The following TDRP variants were observed in gnomAD, a reference collection of about 807,000 sequenced individuals.
TDRP encodes the protein testis development related protein, also known as testis development-related protein.
In TDRP, 12 loss-of-function variants were observed where a neutral mutation model predicts 10.5. The ratio of observed to expected loss-of-function variants is 1.15; its 90% CI spans 0.73 to 1.86. The LOEUF (loss-of-function observed/expected upper bound fraction) is 1.86, where lower values mean the gene tolerates loss of function less well. Among genes scored for constraint, TDRP ranks in the 40% most tolerant of loss-of-function variants. TDRP has a pLI of 0.00. For synonymous variants in TDRP, 139 were observed against 95.4 expected, an observed-to-expected ratio of 1.46 and a Z score of -2.67; for missense variants, 353 against 229.2, an observed-to-expected ratio of 1.54 and a Z score of -3.49.
intron 1 of TDRP, among the ~76,000 whole-genome samples, chr8:510,375 GA>G (rs1801583229): frequency 6.6e-6 from 1 of 152,036 alleles, no homozygotes; most frequent in Non-Finnish European, 1.5e-5. Flanking sequence ...TCTCACTCAG[GA>G]AATCCCAAGA....
chr8:521,277 C>T (rs1157879973), intron 1 of TDRP, among the ~76,000 whole-genome samples: 5 of 145,296 alleles, frequency 3.4e-5, no homozygotes, highest in African/African-American at 7.7e-5. Context: ...AATAGGCAGG[C>T]GTGGTGGTGG....
At chr8:493,992 T>C (rs899497491) in intron 2 of TDRP, among the ~76,000 whole-genome samples, 1 of 127,908 alleles carries the variant, frequency 7.8e-6, no homozygotes, top group African/African-American at 3.2e-5. Flanking sequence ...TCATTTCTGT[T>C]GTTTTTTTTT....
rs375730761 is a variant in TDRP, at chr8:535,133, T to C, written c.108+9517A>G. ...TCTGAAAGATTAGAAAGCTACATCA[T>C]GGTTTTAATATACATTTATTAATAT... On this transcript the variant is annotated intron_variant, in intron 1 of 2. Coordinates refer to ENST00000324079, the MANE Select transcript of TDRP (RefSeq NM_001384899.1). Among the ~76,000 whole-genome samples, 9 of 152,290 alleles carry C rather than the reference T, an allele frequency of 5.9e-5. No individual in the cohort carries two copies. In the South Asian group the frequency reaches 1.9e-3, roughly 32 times the overall value.
chr8:543,250 C>T, intron 1 of TDRP, among the ~76,000 whole-genome samples: 1 of 151,932 alleles, frequency 6.6e-6, no homozygotes, highest in East Asian at 1.9e-4. Flanking sequence ...CAGGTTGAGG[C>T]CGTAGTGAGC....
chr8:540,245 T>C (rs1050052639), intron 1 of TDRP, among the ~76,000 whole-genome samples: 11 of 152,326 alleles, frequency 7.2e-5, no homozygotes, highest in East Asian at 3.9e-4. Flanking sequence ...AAATTTAATA[T>C]CATTTAGTAT....
intron 1 of TDRP, among the ~76,000 whole-genome samples, chr8:499,172 T>C (rs1801218365): frequency 6.6e-6 from 1 of 152,302 alleles, no homozygotes; most frequent in African/African-American, 2.4e-5. Flanking sequence ...ATTGAAATTA[T>C]TAGGAATAAG....
chr8:492,174 T>G lies in TDRP; in HGVS notation c.*225A>C. ...TTTCTGCAAAACATGGACTGATAGG[T>G]GAATATTTCTGCAATAAGGCAATCA... On this transcript the variant is annotated 3_prime_UTR_variant, in exon 3 of 3. Transcript: ENST00000324079. 1.6e-6 allele frequency: 2 copies of G among 1,258,522 alleles called. No homozygotes were observed. Among genetic ancestry groups the G allele is most frequent in the South Asian group, 3.7e-5 (1 of 26,936 alleles). The allele number at this position is 1,258,522 out of a possible 1,614,324, so 78.0% of individuals were successfully genotyped here. A position where few individuals can be genotyped will look rare whatever the true frequency, so the allele number is the denominator to read the frequency against.
chr8:504,105 G>A (rs187335020), intron 1 of TDRP, among the ~76,000 whole-genome samples: 44 of 152,264 alleles, frequency 2.9e-4, no homozygotes, highest in Non-Finnish European at 4.3e-4. Flanking sequence ...GCCACGTGTC[G>A]GAACCCAGTC....
intron 1 of TDRP, among the ~76,000 whole-genome samples, chr8:514,026 C>T (rs1224573783): frequency 3.4e-5 from 5 of 145,088 alleles, no homozygotes; most frequent in Non-Finnish European, 7.7e-5. Flanking sequence ...ACTCCCCAAA[C>T]TGATCTACAC....
chr8:541,209 C>G lies in TDRP; in HGVS notation c.108+3441G>C, dbSNP rs1055340980. 2.6e-5 allele frequency among the ~76,000 whole-genome samples: 4 copies of G among 152,150 alleles called. No individual in the cohort carries two copies. In the East Asian group the frequency reaches 7.7e-4, roughly 29 times the overall value. The stretch of plus-strand genomic sequence containing the variant: ...GAAATTAACTAAATTTAGAATAAGA[C>G]TAATCTGTCATAATTAACACAAATT... On this transcript the variant is annotated intron_variant, in intron 1 of 2. Coordinates refer to ENST00000324079, the MANE Select transcript of TDRP (RefSeq NM_001384899.1).
chr8:530,369 A>G (rs1161609269), intron 1 of TDRP, among the ~76,000 whole-genome samples: 1 of 151,760 alleles, frequency 6.6e-6, no homozygotes, highest in Non-Finnish European at 1.5e-5. Flanking sequence ...AATTCTGGAG[A>G]TTTATTTTGT....
chr8:531,742 T>C (rs1802204113), intron 1 of TDRP, among the ~76,000 whole-genome samples: 1 of 152,230 alleles, frequency 6.6e-6, no homozygotes, highest in Non-Finnish European at 1.5e-5. Context: ...TAAAACTTTA[T>C]TTTGAAATAT....
At chr8:519,552 A>T (rs887297494) in intron 1 of TDRP, among the ~76,000 whole-genome samples, 9 of 141,696 alleles carry the variant, frequency 6.4e-5, no homozygotes, top group African/African-American at 2.8e-4. Context: ...GTAAAACTCT[A>T]TATACAGACT....
chr8:501,861 C>A (rs1801311830), intron 1 of TDRP, among the ~76,000 whole-genome samples: 2 of 152,300 alleles, frequency 1.3e-5, no homozygotes, highest in African/African-American at 4.8e-5. Context: ...AAATACAGCT[C>A]TTTGTGAAGA....
intron 1 of TDRP, among the ~76,000 whole-genome samples, chr8:544,268 T>C (rs1425715077): frequency 2.6e-5 from 4 of 151,826 alleles, no homozygotes; most frequent in Admixed American, 6.5e-5. Flanking sequence ...GACCTCTGCG[T>C]CCCGGGCCCA....
At chr8:515,291 T>C (rs1801728166) in intron 1 of TDRP, among the ~76,000 whole-genome samples, 1 of 152,210 alleles carries the variant, frequency 6.6e-6, no homozygotes, top group Non-Finnish European at 1.5e-5. Context: ...GAAAAAAATG[T>C]AAAATTAGGA....
intron 1 of TDRP, among the ~76,000 whole-genome samples, chr8:520,111 A>G (rs191065580): frequency 6.6e-6 from 1 of 152,350 alleles, no homozygotes; most frequent in Admixed American, 6.5e-5. Context: ...TTGGGGAGAA[A>G]AGTGGAAAGA....
intron 1 of TDRP, among the ~76,000 whole-genome samples, chr8:512,971 CAAA>C (rs34201826): frequency 0.66 from 96,531 of 147,222 alleles, 31,588 homozygotes; most frequent in African/African-American, 0.71. Context: ...GATTTCACCT[CAAA>C]AAAAAAAAAA....
intron 2 of TDRP, among the ~76,000 whole-genome samples, chr8:493,760 G>GT (rs146902384): frequency 0.14 from 21,857 of 151,700 alleles, 1,789 homozygotes; most frequent in Admixed American, 0.18. Context: ...TTTTAACAGT[G>GT]TTTTTTTTGG....
Sources: allele counts gnomAD v4.1 joint callset (sites outside exome capture counted in the v4.1 genomes callset), GRCh38; gene constraint gnomAD v4.1.1; transcripts MANE v1.5; gene names NCBI Gene and HGNC (gene_info 2026-07-23, HGNC 2026-07-21).